Variants in ZNF92 observed in about 807,000 individuals in gnomAD.
The protein encoded by ZNF92 is epididymis luminal protein 203.
Under a neutral mutation model 12.4 loss-of-function variants are expected in ZNF92, and 11 were observed. The ratio of observed to expected loss-of-function variants is 0.89; its 90% CI spans 0.56 to 1.47. The LOEUF is 1.47. Ranked by LOEUF, ZNF92 falls within the 40% of genes most tolerant of loss-of-function variation. ZNF92 has a pLI of 0.00. For missense variants in ZNF92, 622 were observed against 681.0 expected (o/e 0.91, Z 0.96); for synonymous variants, 206 against 228.6 (o/e 0.90, Z 0.89).
At chr7:65,391,657 G>A (rs980862242) in intron 3 of ZNF92, among the ~76,000 whole-genome samples, 4 of 152,078 alleles carry the variant, frequency 2.6e-5, no homozygotes, top group Middle Eastern at 3.4e-3. Context: ...ATTTGGCAAC[G>A]TAAGGCTATT....
chr7:65,393,124 A>G (rs1033810387), intron 3 of ZNF92, among the ~76,000 whole-genome samples: 2 of 152,078 alleles, frequency 1.3e-5, no homozygotes, highest in African/African-American at 4.8e-5. Context: ...GAAATTTTAC[A>G]TCTTGTAAAA....
chr7:65,398,271 G>T, intron 3 of ZNF92, 70 bp from the exon 4 acceptor site: 1 of 1,278,418 alleles, frequency 7.8e-7, no homozygotes, highest in South Asian at 1.8e-5. Flanking sequence ...CAATTTTATA[G>T]GTTAAATTTG....
At chr7:65,388,436 C>A in intron 2 of ZNF92, 1 of 198,788 alleles carries the variant, frequency 5.0e-6, no homozygotes, top group Non-Finnish European at 1.0e-5. Context: ...GTCAGGAGTT[C>A]GAGAGCAGCC....
chr7:65,382,249 G>C (rs929297464), intron 1 of ZNF92, among the ~76,000 whole-genome samples: 1 of 151,826 alleles, frequency 6.6e-6, no homozygotes, highest in Admixed American at 6.6e-5. Flanking sequence ...ATTGTGATGC[G>C]TGTCACATTC....
intron 3 of ZNF92, among the ~76,000 whole-genome samples, chr7:65,392,623 G>C (rs149652133): frequency 6.7e-6 from 1 of 150,236 alleles, no homozygotes; most frequent in Non-Finnish European, 1.5e-5. Context: ...CGTAACCTCC[G>C]CCTCCTGAGT....
chr7:65,377,373 A>T (rs1339724101), intron 1 of ZNF92, among the ~76,000 whole-genome samples: 1 of 151,998 alleles, frequency 6.6e-6, no homozygotes, highest in Non-Finnish European at 1.5e-5. Flanking sequence ...GCCATAGAAG[A>T]AGTCTTTATA....
rs558053789 is a variant in ZNF92 at position 65,390,251 on chromosome 7, A to G, written c.226+1350A>G. On this transcript the variant is annotated intron_variant, in intron 3 of 3. Coordinates refer to ENST00000328747, the MANE Select transcript of ZNF92 (RefSeq NM_152626.4). The stretch of plus-strand genomic sequence containing the variant: ...ATCTACAAACAGCAACTTTTTACCT[A>G]TCTGTCTTCAATGTCAATGGCTTTT... Among the ~76,000 whole-genome samples the G allele has an allele frequency of 8.6e-5, 13 of 151,748 alleles. No homozygotes were observed. The South Asian group carries it at 2.5e-3, about 29-fold the overall frequency.
intron 1 of ZNF92, among the ~76,000 whole-genome samples, chr7:65,374,570 T>A (rs1793187907): frequency 6.6e-6 from 1 of 152,038 alleles, no homozygotes; most frequent in Non-Finnish European, 1.5e-5. Flanking sequence ...ATTGGTTAGG[T>A]ACAGTTACGT....
intron 1 of ZNF92, among the ~76,000 whole-genome samples, chr7:65,386,695 T>G (rs925576767): frequency 6.6e-6 from 1 of 152,140 alleles, no homozygotes; most frequent in African/African-American, 2.4e-5. Context: ...GGGAGATATC[T>G]GTATCTCAAA....
At chr7:65,386,482 C>T (rs1055494998) in intron 1 of ZNF92, among the ~76,000 whole-genome samples, 4 of 151,974 alleles carry the variant, frequency 2.6e-5, no homozygotes, top group African/African-American at 9.7e-5. Context: ...AAGCTGGGGT[C>T]CTTAGTCAAG....
intron 3 of ZNF92, among the ~76,000 whole-genome samples, chr7:65,395,943 ACT>A (rs10615677): frequency 0.28 from 41,882 of 151,728 alleles, 7,545 homozygotes; most frequent in African/African-American, 0.49. Context: ...ATAGGGTCTC[ACT>A]CTGTCAACCA....
rs752707431 is a variant in ZNF92 at position 65,399,496 on chromosome 7, C to T, written c.1382C>T (p.Ala461Val). Residue 461 changes from alanine (A) to valine (V), a missense_variant, in exon 4 of 4, where the codon GCC becomes GTC. Physicochemically the swap from Ala to Val is moderately conservative, Grantham distance 64. Transcript: ENST00000328747. Reference sequence around the variant, plus strand: ...TACAAATGTGAAGAATGTGGCAAAGCCTTTAGTGTATTCTCAACCCTTACT... The same window carrying T: ...TACAAATGTGAAGAATGTGGCAAAGTCTTTAGTGTATTCTCAACCCTTACT... Reference protein sequence around the residue: ...KPYKCEECGKAFSVFSTLTKH... With the variant: ...KPYKCEECGKVFSVFSTLTKH... 3.1e-6 allele frequency: 5 copies of T among 1,613,232 alleles called. No individual in the cohort carries two copies. The highest frequency in any genetic ancestry group is 4.2e-6 in the Non-Finnish European group (5 of 1,179,676).
At chr7:65,381,461 T>C (rs1187309019) in intron 1 of ZNF92, among the ~76,000 whole-genome samples, 4 of 152,108 alleles carry the variant, frequency 2.6e-5, no homozygotes, top group Admixed American at 1.3e-4. Flanking sequence ...CTTTATTCTC[T>C]AGGTTGTCTG....
In ZNF92 at chr7:65,375,388, C is replaced by T. The variant is rs539548044; in HGVS notation, c.3+1388C>T. On this transcript the variant is annotated intron_variant, in intron 1 of 3. Transcript: ENST00000328747. ...ACCTGAAGTATGGAATGTAGCTTCT[C>T]AAGGGAGCAGGTGGATGCCCTGGGG... is the stretch of plus-strand genomic sequence containing the variant. 2.0e-5 allele frequency among the ~76,000 whole-genome samples: 3 copies of T among 152,158 alleles called. No individual in the cohort carries two copies. The South Asian group carries it at 6.2e-4, about 32-fold the overall frequency.
intron 3 of ZNF92, among the ~76,000 whole-genome samples, chr7:65,392,915 A>G (rs1793753474): frequency 6.6e-6 from 1 of 152,032 alleles, no homozygotes; most frequent in Non-Finnish European, 1.5e-5. Context: ...ATAGCCTGAC[A>G]TGGTGGTTGT....
At chr7:65,374,216 A>G (rs1014855635) in intron 1 of ZNF92, among the ~76,000 whole-genome samples, 1 of 151,990 alleles carries the variant, frequency 6.6e-6, no homozygotes, top group African/African-American at 2.4e-5. Context: ...CTCCCTGCGC[A>G]GTGACTGTGC....
At chr7:65,385,087 TCTGTGATGTGC>T (rs1244687843) in intron 1 of ZNF92, among the ~76,000 whole-genome samples, 3 of 151,202 alleles carry the variant, frequency 2.0e-5, no homozygotes, top group Non-Finnish European at 2.9e-5. Context: ...TGTAAGGGAT[TCTGTGATGTGC>T]CTGCTTTGTC....
intron 1 of ZNF92, among the ~76,000 whole-genome samples, chr7:65,377,629 C>G (rs182875647): frequency 9.1e-6 from 1 of 110,356 alleles, no homozygotes; most frequent in East Asian, 2.8e-4. Context: ...TGCAACGGCG[C>G]GATCTAGACT....
chr7:65,384,965 G>T lies in ZNF92; in HGVS notation c.4-2937G>T, dbSNP rs542220857. Among the ~76,000 whole-genome samples, 56 of 151,746 alleles carry T rather than the reference G, an allele frequency of 3.7e-4. 1 individual carries two copies. Among genetic ancestry groups the T allele is most frequent in the African/African-American group, 1.4e-3 (56 of 41,340 alleles). On this transcript the variant is annotated intron_variant, in intron 1 of 3. Transcript: ENST00000328747. ...ATGCAGACTTATTTGGACATTGCTGGCCTCTGTTTCCTCTGTAAACTTTAA... is the reference window on the plus strand; with the variant it reads ...ATGCAGACTTATTTGGACATTGCTGTCCTCTGTTTCCTCTGTAAACTTTAA...
Sources: gnomAD v4.1 joint callset for allele counts (sites outside exome capture counted in the v4.1 genomes callset) on GRCh38, gnomAD v4.1.1 for gene constraint, MANE v1.5 for transcripts, NCBI Gene and HGNC (gene_info 2026-07-23, HGNC 2026-07-21) for gene names.